Variants in SPOCD1 observed in about 807,000 individuals in gnomAD.
SPOCD1 encodes the protein SPOC domain containing 1.
In SPOCD1, 64 loss-of-function variants were observed where a neutral mutation model predicts 92.2. The ratio of observed to expected loss-of-function variants is 0.69; its 90% CI spans 0.57 to 0.86. The LOEUF (loss-of-function observed/expected upper bound fraction) is 0.86, where lower values mean the gene tolerates loss of function less well. SPOCD1 is among the 40% of genes least tolerant of loss of function. The pLI is 0.00. For synonymous variants in SPOCD1, 578 were observed against 619.3 expected (o/e 0.93, Z 0.99); for missense variants, 1,360 against 1,543.1 (o/e 0.88, Z 1.99).
rs1281689120 is a variant in SPOCD1 at position 31,798,250 on chromosome 1, G to C, written c.2102C>G (p.Ala701Gly). The C allele has an allele frequency of 6.2e-7, 1 of 1,614,104 alleles. No homozygotes were observed. Among genetic ancestry groups the C allele is most frequent in the Non-Finnish European group, 8.5e-7 (1 of 1,180,044 alleles). The change falls in exon 9 of 16, where the codon GCC becomes GGC. Residue 701 changes from alanine to glycine, a missense_variant. This residue lies in a region of SPOCD1 where 614 missense variants were observed against 757.8 expected (regional missense o/e 0.81). Transcript: ENST00000360482. This position sits in a 1 kb window ranked among gnomAD's most constrained non-coding sequence, Gnocchi z 4.1. ...CCGCCAGCGGGCCAGCTCCTGGGGG[G>C]CCAGCTGCATCGAGCTCATCCGCAC... ...DLVRMSSMQL[A>G]PQELARWRDQ...
chr1:31,801,905 C>T (rs192494341), intron 2 of SPOCD1, among the ~76,000 whole-genome samples, 200 bp from the exon 3 acceptor site: 13 of 152,276 alleles, frequency 8.5e-5, no homozygotes, highest in Admixed American at 6.5e-4. Flanking sequence ...CAGTGGCTCA[C>T]GCATGTAATC....
chr1:31,811,717 T>G (rs1192523414), intron 2 of SPOCD1, among the ~76,000 whole-genome samples: 1 of 152,178 alleles, frequency 6.6e-6, no homozygotes, highest in Admixed American at 6.5e-5. Flanking sequence ...CAGCCCTGTC[T>G]GCAACCACCC....
chr1:31,801,854 G>T (rs1648489238), intron 2 of SPOCD1, 149 bp from the exon 3 acceptor site: 4 of 722,936 alleles, frequency 5.5e-6, no homozygotes, highest in Non-Finnish European at 7.5e-6. Flanking sequence ...GTCCATCAAA[G>T]GGGAAATGGT....
intron 14 of SPOCD1, 125 bp from the exon 15 acceptor site, chr1:31,792,526 A>G (rs1391598977): frequency 1.6e-6 from 2 of 1,235,330 alleles, no homozygotes; most frequent in Non-Finnish European, 2.3e-6. Flanking sequence ...AGAGGAGGAA[A>G]CAGAGGGACC....
At chr1:31,815,468 C>T in intron 1 of SPOCD1, 96 bp from the exon 2 acceptor site, 1 of 867,570 alleles carries the variant, frequency 1.2e-6, no homozygotes, top group Non-Finnish European at 1.7e-6. Flanking sequence ...CCAGCCAGCT[C>T]TCCCAGACCC....
intron 2 of SPOCD1, among the ~76,000 whole-genome samples, chr1:31,802,161 C>G (rs1377207623): frequency 6.6e-6 from 1 of 151,992 alleles, no homozygotes; most frequent in Non-Finnish European, 1.5e-5. Flanking sequence ...GAGTGAGACT[C>G]CATCTCAAAA....
chr1:31,806,624 C>A (rs1214311874), intron 2 of SPOCD1, among the ~76,000 whole-genome samples: 1 of 151,682 alleles, frequency 6.6e-6, no homozygotes, highest in Non-Finnish European at 1.5e-5. Context: ...CGGCTCACTG[C>A]AGTCTCCGCC....
Position 31,798,141 on chromosome 1 carries a change from C to G in SPOCD1, c.2145+66G>C. On this transcript the variant is annotated intron_variant, in intron 9 of 15. Coordinates refer to ENST00000360482, the MANE Select transcript of SPOCD1 (RefSeq NM_144569.7). The surrounding 1 kb of genome is among the most constrained non-coding windows in gnomAD (Gnocchi z 4.1). ...CTCCCTGTCTCTGTCTCTCCCTCTT[C>G]CACTCTCAGGCCACCCACTCTGCCC... is the stretch of plus-strand genomic sequence containing the variant. The G allele has an allele frequency of 5.8e-6, 7 of 1,196,600 alleles. No homozygotes were observed. Among genetic ancestry groups the G allele is most frequent in the Non-Finnish European group, 8.7e-6 (7 of 800,540 alleles). 74.1% of individuals were successfully genotyped at this position (1,196,600 alleles called of 1,614,324 possible).
At chr1:31,799,335 C>T (rs1031957369) in intron 7 of SPOCD1, 66 bp downstream of exon 7, 5 of 1,400,770 alleles carry the variant, frequency 3.6e-6, no homozygotes, top group South Asian at 2.5e-5. Context: ...CATGGCAGGG[C>T]CCCGGAGGCG....
At chr1:31,793,545 C>T (rs763931166) in intron 12 of SPOCD1, 117 bp from the exon 13 acceptor site, 1 of 1,503,126 alleles carries the variant, frequency 6.7e-7, no homozygotes, top group Non-Finnish European at 9.1e-7. Context: ...GAACACTGGC[C>T]CAAGCTTGGC....
chr1:31,814,172 C>A lies in SPOCD1; in HGVS notation c.1162G>T (p.Ala388Ser). Residue 388 changes from alanine (A) to serine (S), a missense_variant, in exon 2 of 16, where the codon GCC becomes TCC. Physicochemically the swap from Ala to Ser is moderately conservative, Grantham distance 99. Transcript: ENST00000360482. This position sits in a 1 kb window ranked among gnomAD's most constrained non-coding sequence, Gnocchi z 4.2. ...QGLAAPADTC[A>S]SSREPLGGLS... The stretch of plus-strand genomic sequence containing the variant: ...CCGCCCAAGGGCTCCCGGGAGCTGG[C>A]ACAGGTGTCAGCGGGGGCAGCGAGT... The A allele has an allele frequency of 6.3e-7, 1 of 1,579,348 alleles. No individual in the cohort carries two copies. The highest frequency in any genetic ancestry group is 8.6e-7 in the Non-Finnish European group (1 of 1,159,810).
At chr1:31,801,543 ACTGGGGGAGGGCAGG>A (rs1648464168) in intron 3 of SPOCD1, 106 bp downstream of exon 3, 1 of 831,734 alleles carries the variant, frequency 1.2e-6, no homozygotes, top group South Asian at 1.5e-5. Flanking sequence ...ACTAGGATCC[ACTGGGGGAGGGCAGG>A]CTGGGTGGGG....
rs757344690 is a variant in SPOCD1, at chr1:31,814,193, C to G, written c.1141G>C (p.Ala381Pro). The G allele has an allele frequency of 1.3e-6, 2 of 1,569,542 alleles. No homozygotes were observed. Among genetic ancestry groups the G allele is most frequent in the African/African-American group, 1.4e-5 (1 of 74,072 alleles). Residue 381 changes from alanine (A) to proline (P), a missense_variant, in exon 2 of 16, where the codon GCT becomes CCT. Coordinates refer to ENST00000360482, the MANE Select transcript of SPOCD1 (RefSeq NM_144569.7). This position sits in a 1 kb window ranked among gnomAD's most constrained non-coding sequence, Gnocchi z 4.2. ...ASRGRLEQGLAAPADTCASSR... is the reference protein window; with the variant it reads ...ASRGRLEQGLPAPADTCASSR... ...CTGGCACAGGTGTCAGCGGGGGCAG[C>G]GAGTCCTTGCTCCAGCCTTCCCCTG...
intron 2 of SPOCD1, among the ~76,000 whole-genome samples, chr1:31,809,145 T>C (rs1482948760): frequency 6.6e-6 from 1 of 152,186 alleles, no homozygotes; most frequent in Admixed American, 6.5e-5. Context: ...GCTGAGATCA[T>C]GCCACTGTAC....
In SPOCD1 at chr1:31,792,766, G is replaced by A. The variant is rs775517505; in HGVS notation, c.2687C>T (p.Ala896Val). 7 of 1,601,000 alleles carry A rather than the reference G, an allele frequency of 4.4e-6. No homozygotes were observed. In the Admixed American group the frequency reaches 6.9e-5, roughly 16 times the overall value. Residue 896 changes from alanine (A) to valine (V), a missense_variant and splice_region_variant, in exon 14 of 16, where the codon GCT (alanine) becomes GTT (valine). By Grantham distance (64) the Ala-to-Val change is moderately conservative (BLOSUM62 0). This residue lies in a region of SPOCD1 where 614 missense variants were observed against 757.8 expected (regional missense o/e 0.81). Coordinates refer to ENST00000360482, the MANE Select transcript of SPOCD1 (RefSeq NM_144569.7). ...TGCCGAGCGGATCACGGTGGGCAGA[G>A]CCTAGGGGCAGGAAGGATGGCCAGT... ...VSGHSCRLVQ[A>V]LPTVIRSAGC...
chr1:31,802,077 A>C (rs1235167453), intron 2 of SPOCD1, among the ~76,000 whole-genome samples: 1 of 152,174 alleles, frequency 6.6e-6, no homozygotes, highest in African/African-American at 2.4e-5. Context: ...CTGAGGCAGG[A>C]GAATAACTTG....
chr1:31,796,257 G>A (rs1381444904), intron 10 of SPOCD1: 2 of 411,400 alleles, frequency 4.9e-6, no homozygotes, highest in African/African-American at 4.1e-5. Flanking sequence ...GCCTGGAACA[G>A]CGCAGCCTGC....
chr1:31,809,083 G>A (rs760657488), intron 2 of SPOCD1, among the ~76,000 whole-genome samples: 5 of 152,128 alleles, frequency 3.3e-5, no homozygotes, highest in African/African-American at 2.4e-5. Context: ...CAGTTACTTG[G>A]GAGGCTGAGG....
Position 31,798,580 on chromosome 1 carries a change from T to C in SPOCD1, c.1890A>G (p.Pro630=). ...LWTRLRELPD[P]VLSEEVVEGI... ...CCTCCACCACCTCCTCACTCAGCAC[T>C]GGGTCTGGGAGCTCCCGAAGGCTGT... is the stretch of plus-strand genomic sequence containing the variant. Residue 630 remains proline, a synonymous_variant, in exon 8 of 16, where the codon CCA becomes CCG. Coordinates refer to ENST00000360482, the MANE Select transcript of SPOCD1 (RefSeq NM_144569.7). The surrounding 1 kb of genome is among the most constrained non-coding windows in gnomAD (Gnocchi z 4.1). The C allele has an allele frequency of 1.2e-6, 2 of 1,613,322 alleles. No individual in the cohort carries two copies. The highest frequency in any genetic ancestry group is 1.7e-6 in the Non-Finnish European group (2 of 1,179,884).
Sources: allele counts gnomAD v4.1 joint callset (sites outside exome capture counted in the v4.1 genomes callset), GRCh38; gene constraint gnomAD v4.1.1; regional missense constraint gnomAD v4.1.1; non-coding constraint Gnocchi (gnomAD v3.1); transcripts MANE v1.5; gene names NCBI Gene and HGNC (gene_info 2026-07-23, HGNC 2026-07-21).